ARHGAP32: variants seen among roughly 807,000 people sequenced by gnomAD.
ARHGAP32 encodes the protein Rho GTPase activating protein 32, also known as rho GTPase-activating protein 32.
ARHGAP32 carries 51 observed loss-of-function variants against 186.5 expected under a neutral mutation model. The observed-to-expected ratio is 0.27, with a 90% CI of 0.22 to 0.35. The LOEUF is 0.35. Among genes scored for constraint, ARHGAP32 ranks in the 10% least tolerant of loss-of-function variants. The pLI, the probability that ARHGAP32 is intolerant of heterozygous loss-of-function variation, is 1.00. For missense variants in ARHGAP32, 2,186 were observed against 2,623.5 expected, an observed-to-expected ratio of 0.83 and a Z score of 3.64; for synonymous variants, 950 against 964.3, an observed-to-expected ratio of 0.99 and a Z score of 0.27.
At chr11:129,120,087 T>C (rs975853936) in intron 5 of ARHGAP32, among the ~76,000 whole-genome samples, 3 of 152,060 alleles carry the variant, frequency 2.0e-5, no homozygotes, top group Admixed American at 6.6e-5. Flanking sequence ...TAGAAGGCTA[T>C]TGAAATAATC....
chr11:129,069,245 C>T (rs957347508), intron 6 of ARHGAP32, among the ~76,000 whole-genome samples: 1 of 152,064 alleles, frequency 6.6e-6, no homozygotes, highest in African/African-American at 2.4e-5. Flanking sequence ...AATAAATACA[C>T]AGCTAATAGC....
intron 9 of ARHGAP32, 63 bp downstream of exon 9, chr11:129,063,839 G>C: frequency 3.9e-6 from 6 of 1,529,392 alleles, no homozygotes; most frequent in Non-Finnish European, 5.3e-6. Flanking sequence ...GTTAAGAACA[G>C]TCAAAGATGA....
chr11:129,021,728 T>C (rs1042248778), intron 11 of ARHGAP32, among the ~76,000 whole-genome samples: 1 of 152,108 alleles, frequency 6.6e-6, no homozygotes, highest in Non-Finnish European at 1.5e-5. Flanking sequence ...AAATTTAAAT[T>C]ACAAATTTAA....
chr11:128,990,615 G>A (rs1313562531), intron 12 of ARHGAP32, among the ~76,000 whole-genome samples: 1 of 152,174 alleles, frequency 6.6e-6, no homozygotes, highest in African/African-American at 2.4e-5. Flanking sequence ...TAGAATTGCT[G>A]GGTACTTCTT....
At chr11:129,233,568 C>G (rs1944886586) in intron 1 of ARHGAP32, among the ~76,000 whole-genome samples, 1 of 151,328 alleles carries the variant, frequency 6.6e-6, no homozygotes, top group South Asian at 2.1e-4. Flanking sequence ...GTCATGCACA[C>G]ATGCACAACT....
chr11:129,074,522 C>A (rs1248402827), intron 6 of ARHGAP32, among the ~76,000 whole-genome samples: 2 of 152,068 alleles, frequency 1.3e-5, no homozygotes, highest in East Asian at 3.8e-4. Context: ...GAGATGGAGT[C>A]TCGCTCTGTT....
At chr11:129,225,859 A>T (rs1023945008) in intron 1 of ARHGAP32, among the ~76,000 whole-genome samples, 4 of 152,168 alleles carry the variant, frequency 2.6e-5, no homozygotes, top group African/African-American at 9.6e-5. Context: ...AACTAAAGGA[A>T]ACTGTGCAAA....
chr11:129,058,163 A>G (rs939947717), intron 10 of ARHGAP32, among the ~76,000 whole-genome samples: 1 of 150,056 alleles, frequency 6.7e-6, no homozygotes, highest in Admixed American at 6.7e-5. Context: ...GTCATCTGTT[A>G]TGCCCAATAA....
chr11:128,986,426 C>T (rs746747961), intron 14 of ARHGAP32, 98 bp downstream of exon 14: 70 of 1,325,940 alleles, frequency 5.3e-5, no homozygotes, highest in Non-Finnish European at 6.9e-5. Flanking sequence ...AGTCACAGAA[C>T]TATTTCTTAC....
upstream of ARHGAP32, among the ~76,000 whole-genome samples, chr11:129,193,587 A>ATAAT (rs1491150648): frequency 1.9e-5 from 1 of 52,022 alleles, no homozygotes; most frequent in African/African-American, 7.9e-5. Context: ...TATATTATAT[A>ATAAT]ATATATGTTA....
At chr11:129,161,436 CAAGG>C (rs1400642499) in intron 2 of ARHGAP32, among the ~76,000 whole-genome samples, 1 of 151,538 alleles carries the variant, frequency 6.6e-6, no homozygotes, top group Admixed American at 6.6e-5. Context: ...CCAGAATCTA[CAAGG>C]AACTTAAACA....
intron 11 of ARHGAP32, among the ~76,000 whole-genome samples, chr11:129,017,724 T>C (rs186662775): frequency 1.3e-5 from 2 of 152,160 alleles, no homozygotes; most frequent in Non-Finnish European, 2.9e-5. Context: ...CTTTTAATTC[T>C]TTTTGTCTAA....
At chr11:129,218,276 G>C (rs1944669914) in intron 1 of ARHGAP32, among the ~76,000 whole-genome samples, 1 of 152,142 alleles carries the variant, frequency 6.6e-6, no homozygotes, top group Non-Finnish European at 1.5e-5. Context: ...TGCTAATGAA[G>C]TGCAAACTTC....
Position 129,036,380 on chromosome 11 carries a change from CAAAAAAAAAAA to C in ARHGAP32, c.1045+4537_1045+4547del, listed in dbSNP as rs58678377. ...GGGCAACAAGAGCGAAACTCCGTCT[CAAAAAAAAAAA>C]AAAAAAAAAAAAAAAGAGAGAAAGC... On this transcript the variant is annotated intron_variant, in intron 11 of 22. Transcript: ENST00000682385. Among the ~76,000 whole-genome samples, 29 of 98,686 alleles carry C rather than the reference CAAAAAAAAAAA, an allele frequency of 2.9e-4. No individual in the cohort carries two copies. The South Asian group carries it at 6.5e-3, about 22-fold the overall frequency. The allele number at this position is 98,686 out of a possible 152,430, so 64.7% of individuals were successfully genotyped here.
At chr11:129,188,853 A>G (rs1944218014) in intron 1 of ARHGAP32, among the ~76,000 whole-genome samples, 1 of 152,192 alleles carries the variant, frequency 6.6e-6, no homozygotes, top group Admixed American at 6.5e-5. Flanking sequence ...TCAATTAAGC[A>G]CTATATCATC....
At position 128,969,827 on chromosome 11, in the gene ARHGAP32, C is replaced by A. The variant is rs1269230638; in HGVS notation, c.5386G>T (p.Asp1796Tyr). 6.2e-7 allele frequency: 1 copy of A among 1,614,210 alleles called. No homozygotes were observed. The highest frequency in any genetic ancestry group is 1.1e-5 in the South Asian group (1 of 91,076). ...QYDNMTPAVQ[D>Y]DLGGIYVIHL... ...ATGACATAGATCCCACCCAAGTCGT[C>A]CTGCACCGCCGGGGTCATGTTATCA... The change falls in exon 23 of 23, where the codon GAC becomes TAC. Residue 1796 changes from aspartate (D) to tyrosine (Y), a missense_variant. Physicochemically the swap from Asp to Tyr is radical, Grantham distance 160. Transcript: ENST00000682385. The surrounding 1 kb of genome is among the most constrained non-coding windows in gnomAD (Gnocchi z 4.8).
In ARHGAP32 at chr11:128,974,450, G is replaced by A; in HGVS notation, c.2747C>T (p.Ser916Leu). 6.2e-7 allele frequency: 1 copy of A among 1,614,172 alleles called. No homozygotes were observed. Among genetic ancestry groups the A allele is most frequent in the Non-Finnish European group, 8.5e-7 (1 of 1,180,030 alleles). ...SPKIGRKLSK[S>L]PSMSISEPIS... The stretch of plus-strand genomic sequence containing the variant: ...TGGCTCAGATATGCTCATAGAAGGT[G>A]ATTTGCTTAATTTCCGTCCTATCTT... The change falls in exon 21 of 23, where the codon TCA becomes TTA. Residue 916 changes from serine to leucine, a missense_variant. Ser to Leu is a moderately radical substitution (Grantham distance 145). Transcript: ENST00000682385.
chr11:129,086,549 T>TGC (rs1565415020), intron 6 of ARHGAP32, among the ~76,000 whole-genome samples: 4 of 64,892 alleles, frequency 6.2e-5, no homozygotes, highest in Admixed American at 1.4e-4. Context: ...TGGCCGGGCA[T>TGC]GGTGGCTCAC....
chr11:129,108,987 T>C (rs2135331158), intron 5 of ARHGAP32, among the ~76,000 whole-genome samples: 1 of 152,268 alleles, frequency 6.6e-6, no homozygotes, highest in Middle Eastern at 3.4e-3. Flanking sequence ...ATAGTCATCC[T>C]ACTCTGGTAT....
Sources: allele counts gnomAD v4.1 joint callset (sites outside exome capture counted in the v4.1 genomes callset), GRCh38; gene constraint gnomAD v4.1.1; non-coding constraint Gnocchi (gnomAD v3.1); transcripts MANE v1.5; gene names NCBI Gene and HGNC (gene_info 2026-07-23, HGNC 2026-07-21).